The following NDUFAF6 variants were observed in gnomAD, a reference collection of about 807,000 sequenced individuals.
The protein encoded by NDUFAF6 is NADH dehydrogenase (ubiquinone) complex I, assembly factor 6.
A neutral mutation model predicts 40.8 loss-of-function variants in NDUFAF6; 45 were observed. That is an observed-to-expected ratio of 1.10 (90% CI 0.87 to 1.42). NDUFAF6 has a LOEUF of 1.42. Among genes scored for constraint, NDUFAF6 ranks in the 40% most tolerant of loss-of-function variants. The probability of loss-of-function intolerance (pLI) is 0.00; values close to 1 mark genes in which losing one functional copy is unlikely to be tolerated. For synonymous variants in NDUFAF6, 185 were observed against 155.9 expected (o/e 1.19, Z -1.39); for missense variants, 435 against 418.5 (o/e 1.04, Z -0.34).
At chr8:94,933,834 T>TGGGG (rs572867137) in intron 1 of NDUFAF6, among the ~76,000 whole-genome samples, 29 of 58,994 alleles carry the variant, frequency 4.9e-4, no homozygotes, top group African/African-American at 1.4e-3. Context: ...CAGCACTTTG[T>TGGGG]GGGGGGGGGG....
At chr8:95,077,192 G>C (rs11785698), downstream of NDUFAF6, among the ~76,000 whole-genome samples, 41,168 of 152,066 alleles carry the variant, frequency 0.27, 5,534 homozygotes, top group Middle Eastern at 0.36. Context: ...ATAAATTTCT[G>C]TTTAGACTAC....
intron 1 of NDUFAF6, among the ~76,000 whole-genome samples, chr8:94,973,037 A>T (rs753035046): frequency 4.6e-5 from 7 of 152,154 alleles, no homozygotes; most frequent in Non-Finnish European, 8.8e-5. Context: ...TGATAGCTTC[A>T]CTTCACTACA....
intron 1 of NDUFAF6, among the ~76,000 whole-genome samples, chr8:95,028,061 C>T (rs1423818997): frequency 6.6e-6 from 1 of 152,216 alleles, no homozygotes; most frequent in African/African-American, 2.4e-5. Context: ...TACTTTGCTG[C>T]AATCTCACCA....
intron 2 of NDUFAF6, among the ~76,000 whole-genome samples, chr8:94,990,734 G>GA (rs1244415905): frequency 6.6e-6 from 1 of 152,166 alleles, no homozygotes; most frequent in Non-Finnish European, 1.5e-5. Flanking sequence ...TCATGACAGG[G>GA]AAAAAATGGA....
chr8:95,110,097 C>T (rs1451358983), intron 4 of NDUFAF6, among the ~76,000 whole-genome samples: 1 of 152,132 alleles, frequency 6.6e-6, no homozygotes, highest in African/African-American at 2.4e-5. Flanking sequence ...GCTCTTAGTC[C>T]TATAATAGCC....
chr8:95,046,967 A>G, intron 5 of NDUFAF6, 27 bp from the exon 6 acceptor site: 1 of 1,613,808 alleles, frequency 6.2e-7, no homozygotes, highest in Non-Finnish European at 8.5e-7. Flanking sequence ...AGAATAGAGC[A>G]GCCCTGTGTA....
Position 95,046,022 on chromosome 8 carries a change from A to C in NDUFAF6, c.580+375A>C, listed in dbSNP as rs180939571. On this transcript the variant is annotated intron_variant, in intron 5 of 8. Coordinates refer to ENST00000396124, the MANE Select transcript of NDUFAF6 (RefSeq NM_152416.4). ...TCCATGGAAAAAGAAAAGTAGAAGA[A>C]GTAAAACACATTTATTTTATTTTAT... Among the ~76,000 whole-genome samples the C allele has an allele frequency of 6.7e-3, 1,005 of 149,266 alleles. 9 individuals are homozygous for C. Among genetic ancestry groups the C allele is most frequent in the Middle Eastern group, 0.024 (7 of 290 alleles).
chr8:94,929,459 TTCAC>T (rs1385131572), intron 1 of NDUFAF6: 1 of 151,836 alleles, frequency 6.6e-6, no homozygotes, highest in Non-Finnish European at 1.5e-5. Flanking sequence ...CCTGTCACTC[TTCAC>T]TCAGATGCCA....
rs767320744 is a variant in NDUFAF6 at position 95,046,953 on chromosome 8, A to G, written c.581-41A>G. On this transcript the variant is annotated intron_variant, in intron 5 of 8. Transcript: ENST00000396124. ...TGCTATTTCTATTGATTTATTATGC[A>G]CTTAGAATAGAGCAGCCCTGTGTAA... 3.4e-5 allele frequency: 55 copies of G among 1,612,622 alleles called. No individual in the cohort carries two copies. The East Asian group carries it at 1.1e-3, about 33-fold the overall frequency.
At chr8:94,942,876 C>T (rs112287231) in intron 1 of NDUFAF6, among the ~76,000 whole-genome samples, 2,290 of 152,208 alleles carry the variant, frequency 0.015, 50 homozygotes, top group African/African-American at 0.053. Flanking sequence ...GTCACAATAG[C>T]AGGCTAGGGG....
intron 2 of NDUFAF6, among the ~76,000 whole-genome samples, chr8:94,946,102 TTC>T (rs1821961239): frequency 7.1e-5 from 7 of 97,986 alleles, no homozygotes. Flanking sequence ...GTGCCTTTTC[TTC>T]TGTTTTTTTT....
chr8:94,971,638 A>G (rs954618563), intron 1 of NDUFAF6, among the ~76,000 whole-genome samples: 6 of 152,170 alleles, frequency 3.9e-5, no homozygotes, highest in Non-Finnish European at 2.9e-5. Context: ...TATTTCACAT[A>G]TATTTAAAAA....
intron 1 of NDUFAF6, among the ~76,000 whole-genome samples, chr8:94,980,213 TTA>T (rs144744124): frequency 9.4e-5 from 14 of 149,160 alleles, no homozygotes; most frequent in East Asian, 3.9e-4. Context: ...TGCATTTTTA[TTA>T]TATATATATA....
At chr8:95,084,595 C>T (rs1808979941) in intron 2 of NDUFAF6, among the ~76,000 whole-genome samples, 2 of 152,208 alleles carry the variant, frequency 1.3e-5, no homozygotes, top group South Asian at 4.1e-4. Flanking sequence ...CGTCACTTTC[C>T]AATACGTGCT....
chr8:95,046,036 A>ATTTTATTTTTTTTT (rs1554676278), intron 5 of NDUFAF6, among the ~76,000 whole-genome samples: 13 of 150,744 alleles, frequency 8.6e-5, no homozygotes, highest in African/African-American at 3.2e-4. Context: ...AAACACATTT[A>ATTTTATTTTTTTTT]TTTTATTTTA....
In NDUFAF6 at chr8:95,025,002, C is replaced by G. The variant is rs1424099588; in HGVS notation, c.-7C>G. On this transcript the variant is annotated 5_prime_UTR_variant, in exon 1 of 9. Coordinates refer to ENST00000396124, the MANE Select transcript of NDUFAF6 (RefSeq NM_152416.4). ...CGGGGGGTCGAAGGGCACGCAGTGC[C>G]GGCGTCATGGCGGCCTCCGCGCACG... The G allele has an allele frequency of 3.7e-6, 5 of 1,338,800 alleles. No homozygotes were observed. In the East Asian group the frequency reaches 1.5e-4, roughly 41 times the overall value. 82.9% of individuals were successfully genotyped at this position (1,338,800 alleles called of 1,614,324 possible). A position where few individuals can be genotyped will look rare whatever the true frequency, so the allele number is the denominator to read the frequency against.
At chr8:94,985,506 TATATATATA>T (rs1313557306) in intron 2 of NDUFAF6, among the ~76,000 whole-genome samples, 100 of 6,756 alleles carry the variant, frequency 0.015, 1 homozygote, top group African/African-American at 0.019. Context: ...TATATATATA[TATATATATA>T]TTTTTTTTTT....
rs764088585 is a variant in NDUFAF6 at position 95,057,954 on chromosome 8, T to C, written c.*17T>C. ...ACATATTAAAATAATTTCATGGCATTGATGTTAATTCTAGTCTATTAGTTT... is the reference window on the plus strand; with the variant it reads ...ACATATTAAAATAATTTCATGGCATCGATGTTAATTCTAGTCTATTAGTTT... On this transcript the variant is annotated 3_prime_UTR_variant, in exon 9 of 9. Transcript: ENST00000396124. 1 of 1,495,256 alleles carries C rather than the reference T, an allele frequency of 6.7e-7. No individual in the cohort carries two copies. The highest frequency in any genetic ancestry group is 1.1e-5 in the South Asian group (1 of 87,364). 92.6% of individuals were successfully genotyped at this position (1,495,256 alleles called of 1,614,324 possible).
At chr8:95,111,994 A>T (rs1810010452) in intron 4 of NDUFAF6, among the ~76,000 whole-genome samples, 1 of 152,076 alleles carries the variant, frequency 6.6e-6, no homozygotes, top group Non-Finnish European at 1.5e-5. Context: ...TCCTCTGCTT[A>T]AAACCTCCCA....
Sources: gnomAD v4.1 joint callset for allele counts (sites outside exome capture counted in the v4.1 genomes callset) on GRCh38, gnomAD v4.1.1 for gene constraint, MANE v1.5 for transcripts, NCBI Gene and HGNC (gene_info 2026-07-23, HGNC 2026-07-21) for gene names.